Variants in DUSP16 observed in about 807,000 individuals in gnomAD.
DUSP16 encodes the protein dual specificity phosphatase 16.
In DUSP16, 21 loss-of-function variants were observed where a neutral mutation model predicts 58.3. The observed-to-expected ratio is 0.36, with a 90% CI of 0.26 to 0.52. The LOEUF (loss-of-function observed/expected upper bound fraction) is 0.52, where lower values mean the gene tolerates loss of function less well. Among genes scored for constraint, DUSP16 ranks in the 20% least tolerant of loss-of-function variants. The pLI is 0.94. For missense variants in DUSP16, 726 were observed against 819.0 expected, an observed-to-expected ratio of 0.89 and a Z score of 1.39; for synonymous variants, 320 against 323.8, an observed-to-expected ratio of 0.99 and a Z score of 0.12.
intron 5 of DUSP16, among the ~76,000 whole-genome samples, chr12:12,483,998 TAAA>T (rs570938765): frequency 6.8e-4 from 103 of 151,548 alleles, no homozygotes; most frequent in African/African-American, 2.4e-3. Flanking sequence ...ATTTAAAAAT[TAAA>T]AAAAAATTTT....
chr12:12,476,334 G>C lies in DUSP16; in HGVS notation c.*499C>G, dbSNP rs1177890597. Reference sequence around the variant, plus strand: ...GGCTGTCAGGTGAGCGTGGGTTTGTGAATCAGCTTTGGATAGGATCATTTC... The same window carrying C: ...GGCTGTCAGGTGAGCGTGGGTTTGTCAATCAGCTTTGGATAGGATCATTTC... On this transcript the variant is annotated 3_prime_UTR_variant, in exon 7 of 7. Coordinates refer to ENST00000298573, the MANE Select transcript of DUSP16 (RefSeq NM_030640.3). 1.3e-5 allele frequency: 2 copies of C among 153,510 alleles called. No individual in the cohort carries two copies. The highest frequency in any genetic ancestry group is 2.4e-5 in the African/African-American group (1 of 41,456). 9.5% of individuals were successfully genotyped at this position (153,510 alleles called of 1,614,324 possible).
At chr12:12,540,010 G>A (rs1012769385) in intron 1 of DUSP16, among the ~76,000 whole-genome samples, 20 of 151,838 alleles carry the variant, frequency 1.3e-4, no homozygotes, top group Non-Finnish European at 8.8e-5. Flanking sequence ...AGCCAAGATC[G>A]CACCACTGCA....
chr12:12,548,412 G>A (rs1194342877), intron 1 of DUSP16, among the ~76,000 whole-genome samples: 1 of 151,918 alleles, frequency 6.6e-6, no homozygotes, highest in Non-Finnish European at 1.5e-5. Context: ...GAGGCAGGCG[G>A]CCTGAGGTCA....
intron 1 of DUSP16, among the ~76,000 whole-genome samples, chr12:12,540,187 G>C (rs1360782939): frequency 6.6e-6 from 1 of 151,654 alleles, no homozygotes; most frequent in Non-Finnish European, 1.5e-5. Flanking sequence ...GGGGCCCGTA[G>C]TCCCAGCTAC....
chr12:12,515,532 T>C (rs10845571), intron 3 of DUSP16, among the ~76,000 whole-genome samples: 9,893 of 151,928 alleles, frequency 0.065, 588 homozygotes, highest in East Asian at 0.25. Flanking sequence ...TTCTCCACAT[T>C]GGTCAGGCTG....
chr12:12,559,737 T>A (rs1366903365), intron 1 of DUSP16, among the ~76,000 whole-genome samples: 5 of 152,206 alleles, frequency 3.3e-5, no homozygotes, highest in African/African-American at 1.2e-4. Context: ...AAACACTGTA[T>A]GAAATTAAAT....
chr12:12,504,001 A>T lies in DUSP16; in HGVS notation c.368-3319T>A, dbSNP rs559209349. 2.0e-5 allele frequency among the ~76,000 whole-genome samples: 3 copies of T among 152,348 alleles called. No homozygotes were observed. The East Asian group carries it at 5.8e-4, about 29-fold the overall frequency. ...AAAGGGGGTCAGCCAATATTGGTAT[A>T]TAAGTGCCCACTGTTTAGAATTTAT... On this transcript the variant is annotated intron_variant, in intron 3 of 6. Transcript: ENST00000298573.
At chr12:12,544,370 A>G (rs941379137) in intron 1 of DUSP16, among the ~76,000 whole-genome samples, 1 of 152,216 alleles carries the variant, frequency 6.6e-6, no homozygotes, top group Non-Finnish European at 1.5e-5. Flanking sequence ...ACTGATGGAC[A>G]TGTGGGTTGT....
Position 12,521,462 on chromosome 12 carries a change from G to A in DUSP16, c.-364C>T. 9.3e-7 allele frequency: 1 copy of A among 1,078,540 alleles called. No individual in the cohort carries two copies. Among genetic ancestry groups the A allele is most frequent in the Non-Finnish European group, 1.1e-6 (1 of 886,418 alleles). The allele number at this position is 1,078,540 out of a possible 1,614,324, so 66.8% of individuals were successfully genotyped here. On this transcript the variant is annotated splice_region_variant and 5_prime_UTR_variant, in exon 2 of 7. Coordinates refer to ENST00000298573, the MANE Select transcript of DUSP16 (RefSeq NM_030640.3). ...CCAACAGCTTTACACTGGACTGAAA[G>A]CCTACGCGGAGAGAGAAAGACAGAA...
intron 3 of DUSP16, among the ~76,000 whole-genome samples, chr12:12,518,213 G>A (rs1040245778): frequency 2.6e-5 from 4 of 152,130 alleles, no homozygotes; most frequent in Non-Finnish European, 2.9e-5. Context: ...TTGGCATATT[G>A]CTTCTTTAAG....
Position 12,474,327 on chromosome 12 carries a change from CCTTA to C in DUSP16, c.*2502_*2505del, listed in dbSNP as rs551223086. On this transcript the variant is annotated 3_prime_UTR_variant, in exon 7 of 7. Coordinates refer to ENST00000298573, the MANE Select transcript of DUSP16 (RefSeq NM_030640.3). ...CACAGTTTAACCGTTCAACAGCTGGCCTTACTTCAAAAGAACACTATATTCATAT... is the reference window on the plus strand; with the variant it reads ...CACAGTTTAACCGTTCAACAGCTGGCCTTCAAAAGAACACTATATTCATAT... The C allele has an allele frequency of 3.3e-4, 51 of 152,348 alleles. No homozygotes were observed. Among genetic ancestry groups the C allele is most frequent in the South Asian group, 1.2e-3 (6 of 4,828 alleles). The allele number at this position is 152,348 out of a possible 1,614,324, so 9.4% of individuals were successfully genotyped here. A position where few individuals can be genotyped will look rare whatever the true frequency, so the allele number is the denominator to read the frequency against.
At chr12:12,528,808 G>A (rs1427524341) in intron 1 of DUSP16, among the ~76,000 whole-genome samples, 1 of 151,988 alleles carries the variant, frequency 6.6e-6, no homozygotes, top group Admixed American at 6.6e-5. Flanking sequence ...TCCTATGATA[G>A]ACGCCGATAA....
At chr12:12,510,749 T>C (rs1009183323) in intron 3 of DUSP16, among the ~76,000 whole-genome samples, 1 of 152,196 alleles carries the variant, frequency 6.6e-6, no homozygotes, top group African/African-American at 2.4e-5. Flanking sequence ...CAAAGGCATA[T>C]GGAAACCAAC....
At position 12,549,913 on chromosome 12, in the gene DUSP16, A is replaced by T. The variant is rs193128781; in HGVS notation, c.-366+12204T>A. Among the ~76,000 whole-genome samples the T allele has an allele frequency of 2.5e-3, 386 of 152,276 alleles. 1 individual carries two copies. Among genetic ancestry groups the T allele is most frequent in the Middle Eastern group, 0.017 (5 of 292 alleles). On this transcript the variant is annotated intron_variant, in intron 1 of 6. Transcript: ENST00000298573. Reference sequence around the variant, plus strand: ...CTTCCACCCATAATAGTATCTGGCCACATGGCTCATCCTACACACTAACAT... The same window carrying T: ...CTTCCACCCATAATAGTATCTGGCCTCATGGCTCATCCTACACACTAACAT...
chr12:12,542,388 G>GAAAAAAAA (rs56822339), intron 1 of DUSP16, among the ~76,000 whole-genome samples: 7 of 109,678 alleles, frequency 6.4e-5, no homozygotes, highest in Admixed American at 1.0e-4. Context: ...AAAGAAAAGA[G>GAAAAAAAA]AAAAAAAAAA....
At chr12:12,535,396 G>A (rs150513289) in intron 1 of DUSP16, among the ~76,000 whole-genome samples, 38 of 152,314 alleles carry the variant, frequency 2.5e-4, no homozygotes, top group African/African-American at 9.1e-4. Context: ...AAGTTTGAGA[G>A]AATGGTGTTT....
At chr12:12,486,359 C>T (rs1373753452) in intron 5 of DUSP16, among the ~76,000 whole-genome samples, 1 of 152,112 alleles carries the variant, frequency 6.6e-6, no homozygotes, top group Non-Finnish European at 1.5e-5. Context: ...CACCAAAATG[C>T]CTCAGCAGTA....
intron 5 of DUSP16, among the ~76,000 whole-genome samples, chr12:12,486,279 C>A (rs1335140142): frequency 6.6e-6 from 1 of 152,104 alleles, no homozygotes; most frequent in Non-Finnish European, 1.5e-5. Context: ...CTCTGCTCAG[C>A]CACTGTCCAC....
At chr12:12,495,805 C>T (rs1342266638) in intron 4 of DUSP16, among the ~76,000 whole-genome samples, 1 of 152,190 alleles carries the variant, frequency 6.6e-6, no homozygotes, top group Non-Finnish European at 1.5e-5. Context: ...TCAAAACTGG[C>T]CTCAAGTCCT....
Sources: allele counts gnomAD v4.1 joint callset (sites outside exome capture counted in the v4.1 genomes callset), GRCh38; gene constraint gnomAD v4.1.1; transcripts MANE v1.5; gene names NCBI Gene and HGNC (gene_info 2026-07-23, HGNC 2026-07-21).